The following XRN2 variants were observed in gnomAD, a reference collection of about 807,000 sequenced individuals.
The protein encoded by XRN2 is DHM1-like protein.
A neutral mutation model predicts 138.5 loss-of-function variants in XRN2; 44 were observed. The observed-to-expected ratio is 0.32, with a 90% CI of 0.25 to 0.41. The LOEUF (loss-of-function observed/expected upper bound fraction) is 0.41. Ranked by LOEUF, XRN2 falls within the 10% of genes least tolerant of loss-of-function variation. The pLI is 1.00. For missense variants in XRN2, 937 were observed against 1,169.3 expected (o/e 0.80, Z 2.90); for synonymous variants, 354 against 369.4 (o/e 0.96, Z 0.48).
intron 27 of XRN2, among the ~76,000 whole-genome samples, chr20:21,370,155 G>A (rs1376795621): frequency 6.6e-6 from 1 of 152,116 alleles, no homozygotes. Flanking sequence ...TGTCGAAAAT[G>A]AGTTCACTGT....
At chr20:21,304,469 T>A (rs958787516) in intron 1 of XRN2, among the ~76,000 whole-genome samples, 1 of 152,200 alleles carries the variant, frequency 6.6e-6, no homozygotes, top group Non-Finnish European at 1.5e-5. Context: ...TGAATACTTG[T>A]TTCCTTTGTA....
In XRN2 at chr20:21,386,917, C is replaced by A. The variant is rs767933113; in HGVS notation, c.2698C>A (p.Gln900Lys). 1 of 1,613,996 alleles carries A rather than the reference C, an allele frequency of 6.2e-7. No individual in the cohort carries two copies. The highest frequency in any genetic ancestry group is 8.5e-7 in the Non-Finnish European group (1 of 1,179,876). The change falls in exon 29 of 30, where the codon CAG (glutamine) becomes AAG (lysine). Residue 900 changes from glutamine (Q) to lysine (K), a missense_variant. By Grantham distance (53) the Gln-to-Lys change is moderately conservative. Transcript: ENST00000377191. Reference protein sequence around the residue: ...LLPWNRMLQTQNAAFQPNQYQ... With the variant: ...LLPWNRMLQTKNAAFQPNQYQ... ...CCCATGGAACCGGATGCTGCAAACC[C>A]AGAATGCAGCCTTCCAGCCAAACCA...
intron 20 of XRN2, among the ~76,000 whole-genome samples, chr20:21,350,229 A>G (rs1434156624): frequency 6.6e-6 from 1 of 152,196 alleles, no homozygotes; most frequent in East Asian, 1.9e-4. Context: ...TGTAAAATAC[A>G]ATAAAGAAAT....
chr20:21,324,989 C>T (rs1440491551), intron 1 of XRN2, among the ~76,000 whole-genome samples: 1 of 152,192 alleles, frequency 6.6e-6, no homozygotes, highest in Non-Finnish European at 1.5e-5. Flanking sequence ...TCCCCTGTCT[C>T]CACCCTCACC....
chr20:21,348,195 C>T lies in XRN2; in HGVS notation c.1715C>T (p.Ala572Val). 6.2e-7 allele frequency: 1 copy of T among 1,613,982 alleles called. No individual in the cohort carries two copies. The highest frequency in any genetic ancestry group is 8.5e-7 in the Non-Finnish European group (1 of 1,179,972). The stretch of plus-strand genomic sequence containing the variant: ...TATCCATTTCATTATGCACCATTTG[C>T]TTCAGACTTTGAAGGCATTGCAGAC... ...WYYPFHYAPF[A>V]SDFEGIADMP... Residue 572 changes from alanine to valine, a missense_variant, in exon 18 of 30, where the codon GCT becomes GTT. By Grantham distance (64) the Ala-to-Val change is moderately conservative. This residue lies in a region of XRN2 where 471 missense variants were observed against 581.2 expected (regional missense o/e 0.81). Transcript: ENST00000377191.
intron 26 of XRN2, among the ~76,000 whole-genome samples, chr20:21,366,270 G>A (rs1466402711): frequency 2.1e-5 from 3 of 140,946 alleles, no homozygotes; most frequent in Admixed American, 7.4e-5. Flanking sequence ...GGTTTGGGCC[G>A]GGCACGGTGG....
At chr20:21,308,835 A>T (rs1466030031) in intron 1 of XRN2, among the ~76,000 whole-genome samples, 3 of 152,076 alleles carry the variant, frequency 2.0e-5, no homozygotes, top group Admixed American at 6.5e-5. Flanking sequence ...AGTCTGATTA[A>T]TTTTTTCCCT....
chr20:21,337,895 A>G (rs777098146), intron 13 of XRN2, among the ~76,000 whole-genome samples: 23 of 152,168 alleles, frequency 1.5e-4, no homozygotes, highest in Non-Finnish European at 2.9e-5. Flanking sequence ...AAGGACTGAA[A>G]TCTGACTAAT....
intron 26 of XRN2, among the ~76,000 whole-genome samples, chr20:21,365,930 T>A (rs1406380213): frequency 4.9e-5 from 5 of 101,950 alleles, no homozygotes; most frequent in African/African-American, 1.9e-4. Context: ...AATATATATA[T>A]AAAATTATAA....
chr20:21,342,320 C>T (rs62217930), intron 15 of XRN2, among the ~76,000 whole-genome samples: 5,789 of 151,722 alleles, frequency 0.038, 139 homozygotes, highest in South Asian at 0.073. Context: ...TTATATTTAG[C>T]GTTCTTCAGT....
intron 26 of XRN2, among the ~76,000 whole-genome samples, chr20:21,367,397 A>T (rs2038716347): frequency 6.6e-6 from 1 of 152,170 alleles, no homozygotes; most frequent in Non-Finnish European, 1.5e-5. Flanking sequence ...AAGATTCAAA[A>T]AATTATTTAG....
Position 21,344,106 on chromosome 20 carries a change from C to T in XRN2, c.1427C>T (p.Pro476Leu), listed in dbSNP as rs759400618. ...TGTCTGCAGAGTCCTTCGATATCTC[C>T]TAATACGAGTTTCACATCTGATGGC... ...MQNNSSPSIS[P>L]NTSFTSDGSP... The change falls in exon 16 of 30, where the codon CCT (proline) becomes CTT (leucine). Residue 476 changes from proline to leucine, a missense_variant. Physicochemically the swap from Pro to Leu is moderately conservative, Grantham distance 98. Coordinates refer to ENST00000377191, the MANE Select transcript of XRN2 (RefSeq NM_012255.5). 6.2e-7 allele frequency: 1 copy of T among 1,612,394 alleles called. No homozygotes were observed. Among genetic ancestry groups the T allele is most frequent in the South Asian group, 1.1e-5 (1 of 90,968 alleles).
intron 28 of XRN2, among the ~76,000 whole-genome samples, chr20:21,385,042 A>G (rs1045348951): frequency 1.7e-4 from 26 of 152,210 alleles, no homozygotes; most frequent in African/African-American, 6.3e-4. Flanking sequence ...CATAAAAATT[A>G]TATTTGTCAA....
intron 26 of XRN2, among the ~76,000 whole-genome samples, chr20:21,365,941 AT>A (rs1364658483): frequency 8.4e-6 from 1 of 118,872 alleles, no homozygotes; most frequent in African/African-American, 3.2e-5. Context: ...AAAATTATAA[AT>A]TTATATATAT....
chr20:21,324,197 TCCTGATCAAG>T (rs533031938), intron 1 of XRN2, among the ~76,000 whole-genome samples: 45 of 152,306 alleles, frequency 3.0e-4, no homozygotes, highest in African/African-American at 9.9e-4. Flanking sequence ...CACTCACTGT[TCCTGATCAAG>T]CCTTTTTTTC....
chr20:21,351,886 T>C (rs1157026954), intron 20 of XRN2, among the ~76,000 whole-genome samples: 2 of 152,218 alleles, frequency 1.3e-5, no homozygotes, highest in South Asian at 2.1e-4. Context: ...GTTGAAAATA[T>C]TCTGGGCTGT....
intron 26 of XRN2, among the ~76,000 whole-genome samples, chr20:21,367,337 T>C (rs1600712300): frequency 1.3e-5 from 2 of 152,200 alleles, no homozygotes; most frequent in South Asian, 4.1e-4. Context: ...GATTCATGCA[T>C]TAATAATGAT....
At chr20:21,336,400 T>C (rs2038294041) in intron 13 of XRN2, among the ~76,000 whole-genome samples, 1 of 152,138 alleles carries the variant, frequency 6.6e-6, no homozygotes, top group Non-Finnish European at 1.5e-5. Flanking sequence ...AGGTGGAGGC[T>C]GCAGTGAGCT....
chr20:21,379,963 G>C (rs1189394815), intron 27 of XRN2, among the ~76,000 whole-genome samples: 1 of 152,172 alleles, frequency 6.6e-6, no homozygotes, highest in African/African-American at 2.4e-5. Context: ...TAATGTAGCT[G>C]TATCTTTGTA....
Sources: gnomAD v4.1 joint callset for allele counts (sites outside exome capture counted in the v4.1 genomes callset) on GRCh38, gnomAD v4.1.1 for gene constraint, gnomAD v4.1.1 regional missense constraint, MANE v1.5 for transcripts, NCBI Gene and HGNC (gene_info 2026-07-23, HGNC 2026-07-21) for gene names.